Variants in TRPC6 observed in about 807,000 individuals in gnomAD.
The protein encoded by TRPC6 is transient receptor potential cation channel subfamily C member 6.
In TRPC6, 55 loss-of-function variants were observed where a neutral mutation model predicts 90.7. That is an observed-to-expected ratio of 0.61 (90% CI 0.49 to 0.76). The LOEUF (loss-of-function observed/expected upper bound fraction) is 0.76, where lower values mean the gene tolerates loss of function less well. Among genes scored for constraint, TRPC6 ranks in the 30% least tolerant of loss-of-function variants. TRPC6 has a pLI of 0.00. For synonymous variants in TRPC6, 393 were observed against 393.0 expected (o/e 1.00, Z 0.00); for missense variants, 989 against 1,122.7 (o/e 0.88, Z 1.70).
At chr11:101,466,328 C>G (rs1565446463) in intron 10 of TRPC6, among the ~76,000 whole-genome samples, 1 of 152,172 alleles carries the variant, frequency 6.6e-6, no homozygotes, top group African/African-American at 2.4e-5. Flanking sequence ...CCCCCAGGTG[C>G]TCTGTCCCAG....
chr11:101,473,342 AT>A (rs1859337932), intron 7 of TRPC6, among the ~76,000 whole-genome samples, 166 bp downstream of exon 7: 1 of 152,146 alleles, frequency 6.6e-6, no homozygotes, highest in South Asian at 2.1e-4. Context: ...AGCTTCCTAT[AT>A]TTTAGAGTCC....
chr11:101,454,703 C>A (rs189451165), intron 11 of TRPC6, among the ~76,000 whole-genome samples: 15 of 151,996 alleles, frequency 9.9e-5, no homozygotes, highest in Non-Finnish European at 1.3e-4. Context: ...AGCAAGCAGA[C>A]TTTGTTTCTC....
chr11:101,477,088 G>A (rs1591070995), intron 5 of TRPC6, among the ~76,000 whole-genome samples: 2 of 151,698 alleles, frequency 1.3e-5, no homozygotes, highest in South Asian at 4.2e-4. Flanking sequence ...ATTACTGAGG[G>A]TGCCCCTTCT....
intron 1 of TRPC6, among the ~76,000 whole-genome samples, chr11:101,512,947 GAAAAAAC>G (rs1565225001): frequency 6.6e-6 from 1 of 151,810 alleles, no homozygotes; most frequent in Non-Finnish European, 1.5e-5. Flanking sequence ...AAGACAATCT[GAAAAAAC>G]TTAATGAAGG....
At chr11:101,465,066 T>C (rs896615435) in intron 10 of TRPC6, among the ~76,000 whole-genome samples, 1 of 151,862 alleles carries the variant, frequency 6.6e-6, no homozygotes, top group Non-Finnish European at 1.5e-5. Context: ...AGTTTGGTTA[T>C]GAAATTCTGG....
At chr11:101,528,172 T>G (rs1860825594) in intron 1 of TRPC6, among the ~76,000 whole-genome samples, 1 of 152,234 alleles carries the variant, frequency 6.6e-6, no homozygotes, top group Non-Finnish European at 1.5e-5. Context: ...TATGTTAAAT[T>G]TACATATTCT....
chr11:101,558,685 G>T (rs929318990), intron 1 of TRPC6, among the ~76,000 whole-genome samples: 26 of 151,960 alleles, frequency 1.7e-4, no homozygotes, highest in African/African-American at 5.8e-4. Context: ...AATGTGCTGG[G>T]ATTACAGGCA....
Position 101,452,745 on chromosome 11 carries a change from T to A in TRPC6, c.*210A>T. The A allele has an allele frequency of 1.8e-6, 1 of 570,394 alleles. No homozygotes were observed. The highest frequency in any genetic ancestry group is 2.1e-5 in the South Asian group (1 of 47,126). The allele number at this position is 570,394 out of a possible 1,614,324, so 35.3% of individuals were successfully genotyped here. On this transcript the variant is annotated 3_prime_UTR_variant, in exon 13 of 13. Coordinates refer to ENST00000344327, the MANE Select transcript of TRPC6 (RefSeq NM_004621.6). ...ACAAGCACCAAACAACTGGGCATAA[T>A]TTTCCTCATTATCTACAGCCTTTAC...
At chr11:101,486,414 C>T (rs920486870) in intron 4 of TRPC6, among the ~76,000 whole-genome samples, 2 of 152,026 alleles carry the variant, frequency 1.3e-5, no homozygotes, top group African/African-American at 4.8e-5. Flanking sequence ...GAAATAAATA[C>T]TTGTCTTTAA....
intron 1 of TRPC6, among the ~76,000 whole-genome samples, chr11:101,560,079 G>A (rs903959641): frequency 2.6e-5 from 4 of 151,854 alleles, no homozygotes; most frequent in Admixed American, 6.6e-5. Context: ...ATTTTGTTTC[G>A]GATCAACAGA....
intron 1 of TRPC6, among the ~76,000 whole-genome samples, chr11:101,534,196 C>T (rs775463710): frequency 3.9e-5 from 6 of 152,030 alleles, no homozygotes; most frequent in Admixed American, 6.6e-5. Context: ...AGTGCAGTGG[C>T]GCCATCTCAG....
At chr11:101,582,916 C>A (rs910674779) in intron 1 of TRPC6, among the ~76,000 whole-genome samples, 5 of 152,092 alleles carry the variant, frequency 3.3e-5, no homozygotes, top group Non-Finnish European at 5.9e-5. Context: ...AGTCATCTCT[C>A]CCCCACATAG....
chr11:101,485,355 A>C (rs1018254710), intron 4 of TRPC6, among the ~76,000 whole-genome samples: 1 of 152,080 alleles, frequency 6.6e-6, no homozygotes, highest in African/African-American at 2.4e-5. Flanking sequence ...TATAAAAAGT[A>C]AGTTTGATTT....
intron 2 of TRPC6, among the ~76,000 whole-genome samples, chr11:101,494,522 A>C (rs573811034): frequency 2.0e-5 from 3 of 152,196 alleles, no homozygotes; most frequent in Non-Finnish European, 4.4e-5. Context: ...CTGAGACAAA[A>C]TTTAACGCAC....
chr11:101,573,921 C>CGTGTGTGTGTGTGTGT lies in TRPC6; in HGVS notation c.170+9397_170+9412dup, dbSNP rs58766729. ...TCCTTTCAAGCCTAAGAAACAAATA[C>CGTGTGTGTGTGTGTGT]GTGTGTGTGTGTGTGTGTGTGTGTG... On this transcript the variant is annotated intron_variant, in intron 1 of 12. Transcript: ENST00000344327. 3.3e-3 allele frequency among the ~76,000 whole-genome samples: 431 copies of CGTGTGTGTGTGTGTGT among 132,016 alleles called. 4 individuals carry two copies. Among genetic ancestry groups the CGTGTGTGTGTGTGTGT allele is most frequent in the Admixed American group, 5.2e-3 (69 of 13,320 alleles). The allele number at this position is 132,016 out of a possible 152,430, so 86.6% of individuals were successfully genotyped here.
intron 6 of TRPC6, 70 bp from the exon 7 acceptor site, chr11:101,473,843 TG>T: frequency 6.2e-7 from 1 of 1,601,582 alleles, no homozygotes; most frequent in Non-Finnish European, 8.5e-7. Flanking sequence ...CTTCTTTTTC[TG>T]CGAAAGAAAT....
At chr11:101,497,855 G>T (rs1303905718) in intron 2 of TRPC6, among the ~76,000 whole-genome samples, 1 of 151,752 alleles carries the variant, frequency 6.6e-6, no homozygotes, top group Non-Finnish European at 1.5e-5. Context: ...CCCTCCCATT[G>T]CCCCCCACCC....
chr11:101,542,324 A>G (rs1297520903), intron 1 of TRPC6, among the ~76,000 whole-genome samples: 1 of 152,242 alleles, frequency 6.6e-6, no homozygotes, highest in Non-Finnish European at 1.5e-5. Context: ...GAAAAAATGT[A>G]CATTGGCCAC....
intron 4 of TRPC6, among the ~76,000 whole-genome samples, chr11:101,488,177 A>G (rs539286097): frequency 1.3e-5 from 2 of 152,324 alleles, no homozygotes; most frequent in East Asian, 1.9e-4. Context: ...TGTGGCTTCA[A>G]AAACGTGAAG....
Sources: gnomAD v4.1 joint callset for allele counts (sites outside exome capture counted in the v4.1 genomes callset) on GRCh38, gnomAD v4.1.1 for gene constraint, MANE v1.5 for transcripts, NCBI Gene and HGNC (gene_info 2026-07-23, HGNC 2026-07-21) for gene names.